CCDC179: variants seen among roughly 807,000 people sequenced by gnomAD.
The protein encoded by CCDC179 is coiled-coil domain containing 179, also known as coiled-coil domain-containing protein 179.
In CCDC179, 17 loss-of-function variants were observed where a neutral mutation model predicts 12.0. That is an observed-to-expected ratio of 1.42 (90% CI 0.97 to 2.13). The LOEUF is 2.13. Ranked by LOEUF, CCDC179 falls within the 30% of genes most tolerant of loss-of-function variation. CCDC179 has a pLI of 0.00. For synonymous variants in CCDC179, 27 were observed against 26.4 expected, an observed-to-expected ratio of 1.02 and a Z score of -0.07; for missense variants, 83 against 78.6, an observed-to-expected ratio of 1.06 and a Z score of -0.21.
intron 3 of CCDC179, among the ~76,000 whole-genome samples, chr11:22,851,426 A>G (rs1435933647): frequency 3.3e-5 from 5 of 152,152 alleles, no homozygotes; most frequent in African/African-American, 9.7e-5. Context: ...TGGTACCTCT[A>G]TTCTCTTCAG....
chr11:22,850,962 A>ATTT (rs1858372777), intron 3 of CCDC179, among the ~76,000 whole-genome samples: 2 of 6,720 alleles, frequency 3.0e-4, no homozygotes, highest in African/African-American at 5.0e-4. Context: ...ATATATATAT[A>ATTT]TATATATATA....
intron 2 of CCDC179, among the ~76,000 whole-genome samples, chr11:22,858,543 C>CT (rs35003359): frequency 0.5 from 76,153 of 151,654 alleles, 19,726 homozygotes; most frequent in Middle Eastern, 0.7. Context: ...ATAACAATAA[C>CT]TTTTTTATCC....
At chr11:22,858,694 C>T (rs1218560357) in intron 2 of CCDC179, among the ~76,000 whole-genome samples, 1 of 151,984 alleles carries the variant, frequency 6.6e-6, no homozygotes, top group East Asian at 1.9e-4. Context: ...TTTGCTTTTC[C>T]TATGATTCAA....
At chr11:22,859,308 G>A (rs551229077) in intron 2 of CCDC179, 144 bp downstream of exon 2, 76 of 424,676 alleles carry the variant, frequency 1.8e-4, no homozygotes, top group African/African-American at 1.4e-3. Flanking sequence ...TCCAATAGTA[G>A]TCATTAGATC....
Position 22,860,468 on chromosome 11 carries a change from A to G in CCDC179, c.-47T>C. The G allele has an allele frequency of 6.6e-7, 1 of 1,513,246 alleles. No homozygotes were observed. The highest frequency in any genetic ancestry group is 8.8e-7 in the Non-Finnish European group (1 of 1,135,762). The allele number at this position is 1,513,246 out of a possible 1,614,324, so 93.7% of individuals were successfully genotyped here. On this transcript the variant is annotated 5_prime_UTR_variant, in exon 1 of 4. Coordinates refer to ENST00000532798, the MANE Select transcript of CCDC179 (RefSeq NM_001195637.2). ...CCCTGACGCCTACTGCCTGTCCTGG[A>G]CCAAATGATTATGGGGCCCCACACC...
At position 22,860,441 on chromosome 11, in the gene CCDC179, C is replaced by A. The variant is rs1225562188; in HGVS notation, c.-20G>T. The A allele has an allele frequency of 2.6e-6, 4 of 1,531,464 alleles. No individual in the cohort carries two copies. Among genetic ancestry groups the A allele is most frequent in the Non-Finnish European group, 2.6e-6 (3 of 1,144,566 alleles). 94.9% of individuals were successfully genotyped at this position (1,531,464 alleles called of 1,614,324 possible). On this transcript the variant is annotated 5_prime_UTR_variant, in exon 1 of 4. Coordinates refer to ENST00000532798, the MANE Select transcript of CCDC179 (RefSeq NM_001195637.2). The stretch of plus-strand genomic sequence containing the variant: ...GCACATGCCGTGGAGCCTTAGGGCG[C>A]CCCCTGACGCCTACTGCCTGTCCTG...
Position 22,858,165 on chromosome 11 carries a change from T to C in CCDC179, c.91-139A>G. On this transcript the variant is annotated intron_variant, in intron 2 of 3. Coordinates refer to ENST00000532798, the MANE Select transcript of CCDC179 (RefSeq NM_001195637.2). The stretch of plus-strand genomic sequence containing the variant: ...AACGGTTCACATAACTACATAGAAA[T>C]AGGGCGAAAAATCTCTTTCATTCAA... The C allele has an allele frequency of 1.3e-5, 7 of 521,946 alleles. No individual in the cohort carries two copies. The South Asian group carries it at 1.4e-4, about 11-fold the overall frequency. The allele number at this position is 521,946 out of a possible 1,614,324, so 32.3% of individuals were successfully genotyped here.
intron 3 of CCDC179, among the ~76,000 whole-genome samples, chr11:22,854,261 G>T (rs531455542): frequency 4.2e-4 from 64 of 151,784 alleles, no homozygotes; most frequent in Middle Eastern, 6.8e-3. Context: ...CTTAAAGGAA[G>T]AGCATTAGAA....
Position 22,859,505 on chromosome 11 carries a change from TAAAC to T in CCDC179, c.46-13_46-10del, listed in dbSNP as rs1366250633. 3.4e-6 allele frequency: 5 copies of T among 1,451,680 alleles called. No individual in the cohort carries two copies. The Admixed American group carries it at 6.5e-5, about 19-fold the overall frequency. The allele number at this position is 1,451,680 out of a possible 1,614,324, so 89.9% of individuals were successfully genotyped here. ...TGTTGTCTTGGTCCTTCCTATATAA[TAAAC>T]AAAATTAAAACACATTCACACAAAA... is the stretch of plus-strand genomic sequence containing the variant. On this transcript the variant is annotated splice_polypyrimidine_tract_variant and intron_variant, in intron 1 of 3. Transcript: ENST00000532798.
At chr11:22,850,961 TATATATATA>T (rs1564915054) in intron 3 of CCDC179, among the ~76,000 whole-genome samples, 25 of 16,654 alleles carry the variant, frequency 1.5e-3, no homozygotes, top group African/African-American at 3.9e-3. Context: ...TATATATATA[TATATATATA>T]TATATATTTT....
At chr11:22,850,966 A>ATTTTTTTTT (rs1858375346) in intron 3 of CCDC179, among the ~76,000 whole-genome samples, 3 of 6,718 alleles carry the variant, frequency 4.5e-4, no homozygotes, top group East Asian at 6.0e-3. Context: ...ATATATATAT[A>ATTTTTTTTT]TATATATATA....
chr11:22,859,965 A>G (rs1426080686), intron 1 of CCDC179, among the ~76,000 whole-genome samples: 1 of 152,146 alleles, frequency 6.6e-6, no homozygotes, highest in Non-Finnish European at 1.5e-5. Flanking sequence ...GATTCTCACC[A>G]CTTCCTCTAT....
chr11:22,858,058 T>C, intron 2 of CCDC179, 32 bp from the exon 3 acceptor site: 3 of 1,352,082 alleles, frequency 2.2e-6, no homozygotes, highest in Non-Finnish European at 3.0e-6. Context: ...AGAAAAATCA[T>C]ACTTTTTTGT....
intron 3 of CCDC179, 71 bp from the exon 4 acceptor site, chr11:22,847,592 C>G: frequency 1.3e-6 from 1 of 766,662 alleles, no homozygotes. Context: ...ATTAGATATA[C>G]TATAAATTAT....
chr11:22,855,202 G>C (rs1408844654), intron 3 of CCDC179, among the ~76,000 whole-genome samples: 1 of 151,704 alleles, frequency 6.6e-6, no homozygotes, highest in Non-Finnish European at 1.5e-5. Context: ...CCATCAGTCA[G>C]TTGGATTTAA....
intron 3 of CCDC179, among the ~76,000 whole-genome samples, chr11:22,850,976 A>ATTTTTTTTTTTTT (rs1164245496): frequency 3.3e-4 from 2 of 6,122 alleles, no homozygotes; most frequent in Non-Finnish European, 4.4e-4. Context: ...ATATATATAT[A>ATTTTTTTTTTTTT]TTTTTTTTTT....
intron 3 of CCDC179, among the ~76,000 whole-genome samples, chr11:22,850,953 TATA>T (rs1858365984): frequency 3.6e-4 from 3 of 8,298 alleles, no homozygotes; most frequent in Admixed American, 1.1e-3. Flanking sequence ...TATATATATA[TATA>T]TATATATATA....
Position 22,847,524 on chromosome 11 carries a change from A to G in CCDC179, c.196-3T>C. 3 of 1,405,604 alleles carry G rather than the reference A, an allele frequency of 2.1e-6. No individual in the cohort carries two copies. The highest frequency in any genetic ancestry group is 1.5e-5 in the South Asian group (1 of 64,904). 87.1% of individuals were successfully genotyped at this position (1,405,604 alleles called of 1,614,324 possible). A position where few individuals can be genotyped will look rare whatever the true frequency, so the allele number is the denominator to read the frequency against. ...CTCCTGCTTTATCAAGATGACCACT[A>G]GACAAGATTAAAATACACAAAGAAT... is the stretch of plus-strand genomic sequence containing the variant. On this transcript the variant is annotated splice_polypyrimidine_tract_variant and splice_region_variant and intron_variant, in intron 3 of 3. Transcript: ENST00000532798.
At position 22,860,445 on chromosome 11, in the gene CCDC179, C is replaced by G; in HGVS notation, c.-24G>C. ...ATGCCGTGGAGCCTTAGGGCGCCCC[C>G]TGACGCCTACTGCCTGTCCTGGACC... On this transcript the variant is annotated 5_prime_UTR_variant, in exon 1 of 4. Transcript: ENST00000532798. 1.3e-6 allele frequency: 2 copies of G among 1,530,926 alleles called. No homozygotes were observed. The highest frequency in any genetic ancestry group is 1.7e-6 in the Non-Finnish European group (2 of 1,144,238). The allele number at this position is 1,530,926 out of a possible 1,614,324, so 94.8% of individuals were successfully genotyped here.
Sources: allele counts gnomAD v4.1 joint callset (sites outside exome capture counted in the v4.1 genomes callset), GRCh38; gene constraint gnomAD v4.1.1; transcripts MANE v1.5; gene names NCBI Gene and HGNC (gene_info 2026-07-23, HGNC 2026-07-21).